MIB1: variants seen among roughly 807,000 people sequenced by gnomAD.
MIB1 encodes E3 ubiquitin-protein ligase MIB1.
A neutral mutation model predicts 124.5 loss-of-function variants in MIB1; 278 were observed. The observed-to-expected ratio is 2.23, with a 90% CI of 2.02 to 2.47. The LOEUF (loss-of-function observed/expected upper bound fraction) is 2.47. MIB1 is among the 30% of genes most tolerant of loss of function. The pLI, the probability that MIB1 is intolerant of heterozygous loss-of-function variation, is 0.00. For missense variants in MIB1, 957 were observed against 1,254.4 expected, an observed-to-expected ratio of 0.76 and a Z score of 3.58; for synonymous variants, 446 against 429.4, an observed-to-expected ratio of 1.04 and a Z score of -0.48.
intron 11 of MIB1, among the ~76,000 whole-genome samples, chr18:21,818,796 A>T (rs1204749694): frequency 1.2e-4 from 19 of 152,062 alleles, no homozygotes; most frequent in Non-Finnish European, 8.8e-5. Flanking sequence ...TTAGCTGGGC[A>T]TGGTGGTGGG....
intron 17 of MIB1, 110 bp downstream of exon 17, chr18:21,849,498 CAAT>C (rs1228344285): frequency 1.9e-5 from 10 of 535,556 alleles, no homozygotes; most frequent in Middle Eastern, 4.9e-4. Flanking sequence ...CTCTTCCAAA[CAAT>C]GATTTAAATA....
At chr18:21,852,760 G>A (rs1460301155) in intron 17 of MIB1, among the ~76,000 whole-genome samples, 1 of 152,118 alleles carries the variant, frequency 6.6e-6, no homozygotes, top group African/African-American at 2.4e-5. Flanking sequence ...TTAGAAATCT[G>A]TCTTTCAGTC....
intron 19 of MIB1, 144 bp downstream of exon 19, chr18:21,857,387 G>T: frequency 1.6e-6 from 1 of 612,018 alleles, no homozygotes; most frequent in South Asian, 2.0e-5. Context: ...ATTGTTTTCT[G>T]GTGCTCTTAT....
exon 1 of MIB1, chr18:21,705,040 A>C: frequency 5.9e-6 from 1 of 169,938 alleles, no homozygotes; most frequent in African/African-American, 2.4e-5. Flanking sequence ...AGCGCTGGTT[A>C]AGGCCCCGCA....
chr18:21,823,135 GA>G (rs2041893872), intron 12 of MIB1, among the ~76,000 whole-genome samples: 1 of 151,640 alleles, frequency 6.6e-6, no homozygotes, highest in Admixed American at 6.6e-5. Context: ...TCGGGAGGCT[GA>G]GACATGAGAA....
chr18:21,735,583 G>A (rs924150570), intron 1 of MIB1, among the ~76,000 whole-genome samples: 5 of 152,096 alleles, frequency 3.3e-5, no homozygotes, highest in Non-Finnish European at 7.4e-5. Context: ...CTGGCTCAGC[G>A]GGTCCCATCC....
intron 1 of MIB1, among the ~76,000 whole-genome samples, chr18:21,735,520 A>G: frequency 6.6e-6 from 1 of 151,438 alleles, no homozygotes; most frequent in Non-Finnish European, 1.5e-5. Flanking sequence ...CACCAGCAAG[A>G]CAGAACCGTT....
Position 21,741,602 on chromosome 18 carries a change from A to G in MIB1, c.19A>G (p.Asn7Asp). The G allele has an allele frequency of 6.4e-7, 1 of 1,572,194 alleles. No individual in the cohort carries two copies. The highest frequency in any genetic ancestry group is 2.5e-5 in the East Asian group (1 of 40,598). Residue 7 changes from asparagine to aspartate, a missense_variant, in exon 1 of 21, where the codon AAC becomes GAC. Asn to Asp is a conservative substitution (Grantham distance 23). Transcript: ENST00000261537. This position sits in a 1 kb window ranked among gnomAD's most constrained non-coding sequence, Gnocchi z 5.4. MSNSRN[N>D]RVMVEGVGAR... is the part of the protein sequence containing the mutation. ...GGCCCCGATGAGTAACTCCCGGAAT[A>G]ACCGGGTGATGGTGGAAGGGGTTGG...
intron 6 of MIB1, among the ~76,000 whole-genome samples, chr18:21,786,377 G>A (rs8093554): frequency 0.016 from 2,427 of 152,310 alleles, 69 homozygotes; most frequent in African/African-American, 0.055. Context: ...GATTACAGGC[G>A]TGAGCCGCTG....
chr18:21,806,961 G>C (rs750754530), intron 10 of MIB1, among the ~76,000 whole-genome samples: 1 of 152,142 alleles, frequency 6.6e-6, no homozygotes, highest in Non-Finnish European at 1.5e-5. Context: ...CTGCTAACTA[G>C]AACGGTGAGA....
chr18:21,716,916 A>G (rs2040692331), intron 1 of MIB1, among the ~76,000 whole-genome samples: 1 of 152,198 alleles, frequency 6.6e-6, no homozygotes. Flanking sequence ...CCTGTCAACT[A>G]TCTGCTGCCT....
intron 10 of MIB1, among the ~76,000 whole-genome samples, chr18:21,804,272 A>G (rs1056555556): frequency 6.6e-6 from 1 of 152,228 alleles, no homozygotes; most frequent in Non-Finnish European, 1.5e-5. Flanking sequence ...TTTAGGAGCT[A>G]AAGGTGGGCT....
intron 1 of MIB1, among the ~76,000 whole-genome samples, chr18:21,759,759 A>G (rs2041077688): frequency 6.6e-6 from 1 of 152,176 alleles, no homozygotes; most frequent in Admixed American, 6.5e-5. Flanking sequence ...CTTCATATGT[A>G]TTTAACTGCT....
At chr18:21,761,820 T>G (rs1217928611) in intron 1 of MIB1, among the ~76,000 whole-genome samples, 1 of 152,026 alleles carries the variant, frequency 6.6e-6, no homozygotes, top group African/African-American at 2.4e-5. Context: ...AAGTGCTAGG[T>G]TAAGAATTGA....
At chr18:21,849,446 G>C in intron 17 of MIB1, 58 bp downstream of exon 17, 2 of 1,014,336 alleles carry the variant, frequency 2.0e-6, no homozygotes, top group Non-Finnish European at 1.4e-6. Flanking sequence ...TAGAATTAAT[G>C]ATAAATAAGA....
At chr18:21,857,838 T>C (rs2042242184) in intron 19 of MIB1, among the ~76,000 whole-genome samples, 1 of 152,270 alleles carries the variant, frequency 6.6e-6, no homozygotes, top group African/African-American at 2.4e-5. Flanking sequence ...TTCTTTGTTC[T>C]CTGAACATGT....
chr18:21,719,775 A>G (rs917869532), intron 1 of MIB1, among the ~76,000 whole-genome samples: 2 of 151,932 alleles, frequency 1.3e-5, no homozygotes, highest in East Asian at 3.9e-4. Context: ...CTTTTTTCTA[A>G]AAACTCACTC....
At chr18:21,857,682 G>A (rs1389020289) in intron 19 of MIB1, among the ~76,000 whole-genome samples, 1 of 152,216 alleles carries the variant, frequency 6.6e-6, no homozygotes, top group Non-Finnish European at 1.5e-5. Flanking sequence ...ATTTGGGACA[G>A]AGTAACTATA....
At position 21,815,794 on chromosome 18, in the gene MIB1, G is replaced by T. The variant is rs2041824822; in HGVS notation, c.1658G>T (p.Gly553Val). ...GTTGTGAAGACTTTATTGGACTTTGGCTGTCATCCCAGTCTCCAGGTAAAA... is the reference window on the plus strand; with the variant it reads ...GTTGTGAAGACTTTATTGGACTTTGTCTGTCATCCCAGTCTCCAGGTAAAA... ...LQVVKTLLDF[G>V]CHPSLQDSEG... is the part of the protein sequence containing the mutation. The change falls in exon 11 of 21, where the codon GGC (glycine) becomes GTC (valine). Residue 553 changes from glycine to valine, a missense_variant. By Grantham distance (109) the Gly-to-Val change is moderately radical. Coordinates refer to ENST00000261537, the MANE Select transcript of MIB1 (RefSeq NM_020774.4). The T allele has an allele frequency of 6.2e-7, 1 of 1,613,932 alleles. No homozygotes were observed. Among genetic ancestry groups the T allele is most frequent in the South Asian group, 1.1e-5 (1 of 91,078 alleles).
Sources: allele counts gnomAD v4.1 joint callset (sites outside exome capture counted in the v4.1 genomes callset), GRCh38; gene constraint gnomAD v4.1.1; non-coding constraint Gnocchi (gnomAD v3.1); transcripts MANE v1.5; gene names NCBI Gene and HGNC (gene_info 2026-07-23, HGNC 2026-07-21).